Variants in GRM7 observed in about 807,000 individuals in gnomAD.
GRM7 encodes the protein metabotropic glutamate receptor 7.
GRM7 carries 35 observed loss-of-function variants against 84.5 expected under a neutral mutation model. That is an observed-to-expected ratio of 0.41 (90% CI 0.32 to 0.55). The LOEUF (loss-of-function observed/expected upper bound fraction) is 0.55. GRM7 is among the 20% of genes least tolerant of loss of function. The pLI is 0.19. For missense variants in GRM7, 1,003 were observed against 1,194.6 expected (o/e 0.84, Z 2.36); for synonymous variants, 487 against 455.1 (o/e 1.07, Z -0.89).
chr3:7,321,329 C>G (rs1700773258), intron 4 of GRM7, among the ~76,000 whole-genome samples: 1 of 151,966 alleles, frequency 6.6e-6, no homozygotes, highest in Non-Finnish European at 1.5e-5. Context: ...ACTTAAGTGC[C>G]TTATGACCTA....
intron 1 of GRM7, among the ~76,000 whole-genome samples, chr3:6,975,504 C>T (rs1044526895): frequency 5.3e-5 from 8 of 152,146 alleles, no homozygotes; most frequent in African/African-American, 1.7e-4. Context: ...AAAATCAGGG[C>T]ATGCACATTT....
At chr3:7,330,679 G>A (rs1380831031) in intron 4 of GRM7, among the ~76,000 whole-genome samples, 1 of 152,170 alleles carries the variant, frequency 6.6e-6, no homozygotes, top group Non-Finnish European at 1.5e-5. Context: ...TGTAAGACAT[G>A]CATTTCACCT....
intron 4 of GRM7, among the ~76,000 whole-genome samples, chr3:7,364,773 T>G (rs979183840): frequency 5.3e-5 from 8 of 152,020 alleles, no homozygotes; most frequent in African/African-American, 1.9e-4. Flanking sequence ...ATTTCACAGT[T>G]TTTTCTCCTT....
intron 8 of GRM7, among the ~76,000 whole-genome samples, chr3:7,610,298 A>G (rs1319497457): frequency 6.6e-6 from 1 of 152,172 alleles, no homozygotes; most frequent in Non-Finnish European, 1.5e-5. Flanking sequence ...GCCATAATAG[A>G]GATGCTTTTT....
intron 7 of GRM7, among the ~76,000 whole-genome samples, chr3:7,538,465 C>T (rs1692687144): frequency 6.6e-6 from 1 of 152,212 alleles, no homozygotes; most frequent in Non-Finnish European, 1.5e-5. Flanking sequence ...TTAGCTGTTC[C>T]TGCTCCTGGG....
intron 1 of GRM7, among the ~76,000 whole-genome samples, chr3:7,069,137 AC>A: frequency 6.6e-6 from 1 of 151,832 alleles, no homozygotes; most frequent in East Asian, 1.9e-4. Context: ...TAATTAAAGA[AC>A]CCTTAATATT....
intron 7 of GRM7, among the ~76,000 whole-genome samples, chr3:7,533,262 C>G (rs1701114783): frequency 6.6e-6 from 1 of 152,092 alleles, no homozygotes; most frequent in South Asian, 2.1e-4. Context: ...CATTCCTCAG[C>G]AAATGCAAAA....
intron 7 of GRM7, among the ~76,000 whole-genome samples, chr3:7,548,311 G>C (rs1352390536): frequency 6.6e-6 from 1 of 152,124 alleles, no homozygotes; most frequent in Non-Finnish European, 1.5e-5. Context: ...CTCTTACCAT[G>C]GGACCTCTCC....
chr3:6,992,862 G>C (rs2069062), intron 1 of GRM7, among the ~76,000 whole-genome samples: 24,445 of 152,210 alleles, frequency 0.16, 2,416 homozygotes, highest in East Asian at 0.3. Context: ...CATTTGAGAA[G>C]GTAGATAGCC....
At chr3:7,296,855 C>A (rs1033690701) in intron 2 of GRM7, among the ~76,000 whole-genome samples, 1 of 151,444 alleles carries the variant, frequency 6.6e-6, no homozygotes, top group East Asian at 1.9e-4. Flanking sequence ...TGCTATGTTG[C>A]CCCGACTGGT....
At chr3:7,128,903 A>G (rs1201213479) in intron 1 of GRM7, among the ~76,000 whole-genome samples, 2 of 152,126 alleles carry the variant, frequency 1.3e-5, no homozygotes, top group African/African-American at 4.8e-5. Flanking sequence ...AGGAACCTCA[A>G]TAAACTATCA....
intron 5 of GRM7, among the ~76,000 whole-genome samples, chr3:7,439,309 G>C (rs73810652): frequency 1.1e-3 from 174 of 152,284 alleles, no homozygotes; most frequent in African/African-American, 4.1e-3. Flanking sequence ...AATATTTACT[G>C]TCTGGAATCA....
chr3:6,957,088 C>G lies in GRM7; in HGVS notation c.519+95181C>G, dbSNP rs149527002. Reference sequence around the variant, plus strand: ...TTTAATTTTATATTATAGACCCTTTCAGTGCCTTCAGTGACCCTATGAGTG... The same window carrying G: ...TTTAATTTTATATTATAGACCCTTTGAGTGCCTTCAGTGACCCTATGAGTG... On this transcript the variant is annotated intron_variant, in intron 1 of 9. Coordinates refer to ENST00000357716, the MANE Select transcript of GRM7 (RefSeq NM_000844.4). Among the ~76,000 whole-genome samples, 154 of 152,332 alleles carry G rather than the reference C, an allele frequency of 1.0e-3. 1 individual carries two copies. The highest frequency in any genetic ancestry group is 3.5e-3 in the African/African-American group (147 of 41,576).
intron 1 of GRM7, among the ~76,000 whole-genome samples, chr3:7,135,326 A>G (rs1162376922): frequency 6.6e-6 from 1 of 152,198 alleles, no homozygotes; most frequent in East Asian, 1.9e-4. Context: ...ATCCATATCA[A>G]TAAAGCTTAA....
At chr3:7,213,691 A>T (rs925749925) in intron 2 of GRM7, among the ~76,000 whole-genome samples, 4 of 152,134 alleles carry the variant, frequency 2.6e-5, no homozygotes, top group African/African-American at 9.7e-5. Flanking sequence ...TTGAGCCCAT[A>T]GTGGATTCTG....
chr3:7,656,159 A>G (rs1278026181), intron 8 of GRM7, among the ~76,000 whole-genome samples: 3 of 152,104 alleles, frequency 2.0e-5, no homozygotes, highest in Non-Finnish European at 4.4e-5. Context: ...TATCCTGTCC[A>G]TAAATCAAAA....
At chr3:7,373,073 C>T (rs1040454573) in intron 4 of GRM7, among the ~76,000 whole-genome samples, 5 of 152,060 alleles carry the variant, frequency 3.3e-5, no homozygotes, top group African/African-American at 9.7e-5. Flanking sequence ...AATTTGAAGG[C>T]ACTCAAACTG....
chr3:7,249,189 G>A (rs997752928), intron 2 of GRM7, among the ~76,000 whole-genome samples: 3 of 152,078 alleles, frequency 2.0e-5, no homozygotes, highest in African/African-American at 7.2e-5. Flanking sequence ...AAGAGGTTTT[G>A]TGACCTCCCC....
intron 1 of GRM7, among the ~76,000 whole-genome samples, chr3:6,895,441 C>T (rs1696141964): frequency 6.6e-6 from 1 of 152,136 alleles, no homozygotes; most frequent in Admixed American, 6.6e-5. Flanking sequence ...TGTTTTCTGC[C>T]ATATGGTAAG....
Sources: gnomAD v4.1 joint callset for allele counts (sites outside exome capture counted in the v4.1 genomes callset) on GRCh38, gnomAD v4.1.1 for gene constraint, MANE v1.5 for transcripts, NCBI Gene and HGNC (gene_info 2026-07-23, HGNC 2026-07-21) for gene names.